Variants in SPARCL1 observed in about 807,000 individuals in gnomAD.
The protein encoded by SPARCL1 is SPARC-like protein 1.
Under a neutral mutation model 67.1 loss-of-function variants are expected in SPARCL1, and 52 were observed. The ratio of observed to expected loss-of-function variants is 0.78; its 90% CI spans 0.62 to 0.98. The LOEUF (loss-of-function observed/expected upper bound fraction) is 0.98. SPARCL1 is among the 50% of genes least tolerant of loss of function. The pLI is 0.00. For synonymous variants in SPARCL1, 226 were observed against 267.8 expected, an observed-to-expected ratio of 0.84 and a Z score of 1.52; for missense variants, 717 against 782.4, an observed-to-expected ratio of 0.92 and a Z score of 1.00.
intron 7 of SPARCL1, among the ~76,000 whole-genome samples, chr4:87,485,524 T>G (rs530525264): frequency 1.3e-5 from 2 of 151,348 alleles, no homozygotes; most frequent in Non-Finnish European, 3.0e-5. Context: ...GGCCTGAATT[T>G]TTTTTTTTTT....
intron 1 of SPARCL1, among the ~76,000 whole-genome samples, chr4:87,519,786 A>G (rs2110263291): frequency 6.6e-6 from 1 of 152,350 alleles, no homozygotes; most frequent in East Asian, 1.9e-4. Context: ...CTCATAAAAT[A>G]TCTATTTTCA....
rs1578104650 is a variant in SPARCL1, at chr4:87,498,041, G to C, written c.54+1480C>G. Among the ~76,000 whole-genome samples the C allele has an allele frequency of 2.0e-5, 3 of 152,280 alleles. No homozygotes were observed. The South Asian group carries it at 6.2e-4, about 32-fold the overall frequency. On this transcript the variant is annotated intron_variant, in intron 2 of 10. Transcript: ENST00000282470. ...CCCAAAGTGCTGGGATTATAGGTAGGAGCCACTGTGCGTGGCCCAAAGACA... is the reference window on the plus strand; with the variant it reads ...CCCAAAGTGCTGGGATTATAGGTAGCAGCCACTGTGCGTGGCCCAAAGACA...
chr4:87,482,703 G>T, intron 7 of SPARCL1, 143 bp from the exon 8 acceptor site: 1 of 784,476 alleles, frequency 1.3e-6, no homozygotes, highest in Non-Finnish European at 2.0e-6. Context: ...CCTCAGCCCT[G>T]GCAGCAGCAC....
rs1370655051 is a variant in SPARCL1, at chr4:87,529,170, T to A, written c.-137A>T. On this transcript the variant is annotated 5_prime_UTR_variant, in exon 1 of 11. Transcript: ENST00000282470. Reference sequence around the variant, plus strand: ...AAACTCTTTAAATCCCTTTCCTCGTTAGCTCTGCTTCTTTGCCCAGAGGCA... The same window carrying A: ...AAACTCTTTAAATCCCTTTCCTCGTAAGCTCTGCTTCTTTGCCCAGAGGCA... The A allele has an allele frequency of 6.6e-6, 1 of 152,246 alleles. No homozygotes were observed. The highest frequency in any genetic ancestry group is 1.5e-5 in the Non-Finnish European group (1 of 68,050). 9.4% of individuals were successfully genotyped at this position (152,246 alleles called of 1,614,324 possible).
At chr4:87,489,546 A>G (rs565798141) in intron 7 of SPARCL1, among the ~76,000 whole-genome samples, 8 of 152,312 alleles carry the variant, frequency 5.3e-5, no homozygotes, top group Non-Finnish European at 1.2e-4. Flanking sequence ...CTTGCCAGCC[A>G]CCAATGACGT....
intron 7 of SPARCL1, among the ~76,000 whole-genome samples, chr4:87,484,998 A>C (rs1341128031): frequency 6.6e-6 from 1 of 151,998 alleles, no homozygotes; most frequent in Non-Finnish European, 1.5e-5. Flanking sequence ...ATATGCAATC[A>C]TGTCATCTGC....
chr4:87,518,332 G>A (rs994039045), intron 1 of SPARCL1, among the ~76,000 whole-genome samples: 5 of 152,128 alleles, frequency 3.3e-5, no homozygotes, highest in East Asian at 3.9e-4. Flanking sequence ...TTAATGGCTC[G>A]TGCCTGTAGT....
chr4:87,480,065 T>C (rs75899648), intron 9 of SPARCL1, among the ~76,000 whole-genome samples: 4,762 of 152,050 alleles, frequency 0.031, 253 homozygotes, highest in African/African-American at 0.11. Flanking sequence ...ATAGCTTTGA[T>C]AATTGTGATA....
At position 87,495,046 on chromosome 4, in the gene SPARCL1, T is replaced by A. The variant is rs1578102984; in HGVS notation, c.136A>T (p.Arg46Trp). 1 of 1,613,206 alleles carries A rather than the reference T, an allele frequency of 6.2e-7. No individual in the cohort carries two copies. The highest frequency in any genetic ancestry group is 2.2e-5 in the East Asian group (1 of 44,822). The change falls in exon 3 of 11, where the codon AGG (arginine) becomes TGG (tryptophan). Residue 46 changes from arginine to tryptophan, a missense_variant. Coordinates refer to ENST00000282470, the MANE Select transcript of SPARCL1 (RefSeq NM_004684.6). ...TTTTCATTTTCTTCAGCTTCAGCCCTTAAACTGGGGATTGCAGTGTTGTCA... is the reference window on the plus strand; with the variant it reads ...TTTTCATTTTCTTCAGCTTCAGCCCATAAACTGGGGATTGCAGTGTTGTCA... ...APDNTAIPSLRAEAEENEKET... is the reference protein window; with the variant it reads ...APDNTAIPSLWAEAEENEKET...
At chr4:87,524,131 A>T (rs1378237438) in intron 1 of SPARCL1, among the ~76,000 whole-genome samples, 2 of 152,246 alleles carry the variant, frequency 1.3e-5, no homozygotes, top group Non-Finnish European at 2.9e-5. Context: ...CTGAAACAGA[A>T]ACGTAATAAA....
At chr4:87,528,534 T>C (rs990322693) in intron 1 of SPARCL1, 2 of 152,144 alleles carry the variant, frequency 1.3e-5, no homozygotes, top group Non-Finnish European at 1.5e-5. Context: ...GAATATAGTA[T>C]AAAAGGAGAA....
At chr4:87,482,270 A>G (rs1157533182) in intron 8 of SPARCL1, among the ~76,000 whole-genome samples, 154 bp downstream of exon 8, 2 of 152,142 alleles carry the variant, frequency 1.3e-5, no homozygotes, top group African/African-American at 4.8e-5. Context: ...GAATGGTGAC[A>G]TCTATTATTC....
intron 1 of SPARCL1, among the ~76,000 whole-genome samples, chr4:87,507,013 A>G (rs1312915068): frequency 6.6e-6 from 1 of 152,128 alleles, no homozygotes; most frequent in Non-Finnish European, 1.5e-5. Context: ...TTAAGTTGTG[A>G]TTCTTGAATA....
chr4:87,480,404 C>T lies in SPARCL1; in HGVS notation c.1785G>A (p.Gln595=), dbSNP rs775025701. ...YHMYVYPVHW[Q]FSELDQHPMD... ...TAGGGTGTTGGTCAAGTTCACTAAA[C>T]TGCCAGTGCACAGGATACACATACA... is the stretch of plus-strand genomic sequence containing the variant. Residue 595 remains glutamine, a synonymous_variant, in exon 9 of 11, where the codon CAG becomes CAA. Coordinates refer to ENST00000282470, the MANE Select transcript of SPARCL1 (RefSeq NM_004684.6). 11 of 1,607,644 alleles carry T rather than the reference C, an allele frequency of 6.8e-6. No individual in the cohort carries two copies. The South Asian group carries it at 1.0e-4, about 15-fold the overall frequency.
At chr4:87,514,275 G>T (rs118150982) in intron 1 of SPARCL1, among the ~76,000 whole-genome samples, 1 of 152,166 alleles carries the variant, frequency 6.6e-6, no homozygotes, top group Non-Finnish European at 1.5e-5. Flanking sequence ...CCCAAAAAGA[G>T]CTATCGAATG....
chr4:87,480,820 C>CCTTTTTTT lies in SPARCL1; in HGVS notation c.1669-301_1669-300insAAAAAAAG, dbSNP rs59503255. Among the ~76,000 whole-genome samples the CCTTTTTTT allele has an allele frequency of 2.2e-5, 3 of 133,384 alleles. 1 individual carries two copies. Among genetic ancestry groups the CCTTTTTTT allele is most frequent in the African/African-American group, 7.9e-5 (3 of 37,758 alleles). 87.5% of individuals were successfully genotyped at this position (133,384 alleles called of 152,430 possible). A position where few individuals can be genotyped will look rare whatever the true frequency, so the allele number is the denominator to read the frequency against. On this transcript the variant is annotated intron_variant, in intron 8 of 10. Coordinates refer to ENST00000282470, the MANE Select transcript of SPARCL1 (RefSeq NM_004684.6). ...TCTTTTAACCAAGTAATGTTCGCTG[C>CCTTTTTTT]TTTTTTTTTTTTTTTTTAAACTATG...
chr4:87,494,599 C>A lies in SPARCL1; in HGVS notation c.202-1G>T. The A allele has an allele frequency of 6.4e-7, 1 of 1,556,302 alleles. No homozygotes were observed. Among genetic ancestry groups the A allele is most frequent in the South Asian group, 1.2e-5 (1 of 81,738 alleles). Reference sequence around the variant, plus strand: ...ACTTTAGTACTGATGATTTTTCAGCCTTAAAAGAAAAAAAAGTTCATTCTT... The same window carrying A: ...ACTTTAGTACTGATGATTTTTCAGCATTAAAAGAAAAAAAAGTTCATTCTT... On this transcript the variant is annotated splice_acceptor_variant, in intron 3 of 10. Coordinates refer to ENST00000282470, the MANE Select transcript of SPARCL1 (RefSeq NM_004684.6). LOFTEE classifies it high-confidence loss of function.
intron 7 of SPARCL1, among the ~76,000 whole-genome samples, chr4:87,485,413 A>C (rs1388718558): frequency 1.3e-5 from 2 of 152,144 alleles, no homozygotes; most frequent in Non-Finnish European, 2.9e-5. Flanking sequence ...CCAGGGATGA[A>C]GGTGACTTGA....
Position 87,504,966 on chromosome 4 carries a change from G to C in SPARCL1, c.-11-5381C>G, listed in dbSNP as rs1725013368. 3 of 152,246 alleles carry C rather than the reference G, an allele frequency of 2.0e-5. 1 individual carries two copies. In the South Asian group the frequency reaches 6.2e-4, roughly 32 times the overall value. The allele number at this position is 152,246 out of a possible 1,614,324, so 9.4% of individuals were successfully genotyped here. On this transcript the variant is annotated intron_variant, in intron 1 of 10. Coordinates refer to ENST00000282470, the MANE Select transcript of SPARCL1 (RefSeq NM_004684.6). ...CATAGGAATTCAATTTTCCATGAAAGAAAAATGTATTTAAGTAAAAACATG... is the reference window on the plus strand; with the variant it reads ...CATAGGAATTCAATTTTCCATGAAACAAAAATGTATTTAAGTAAAAACATG...
Sources: gnomAD v4.1 joint callset for allele counts (sites outside exome capture counted in the v4.1 genomes callset) on GRCh38, gnomAD v4.1.1 for gene constraint, MANE v1.5 for transcripts, NCBI Gene and HGNC (gene_info 2026-07-23, HGNC 2026-07-21) for gene names.